The following CWF19L2 variants were observed in gnomAD, a reference collection of about 807,000 sequenced individuals.
CWF19L2 encodes the protein CWF19-like protein 2.
Under a neutral mutation model 111.7 loss-of-function variants are expected in CWF19L2, and 98 were observed. That is an observed-to-expected ratio of 0.88 (90% CI 0.75 to 1.04). CWF19L2 has a LOEUF of 1.04. Among genes scored for constraint, CWF19L2 ranks in the 50% least tolerant of loss-of-function variants. The pLI is 0.00. For missense variants in CWF19L2, 1,101 were observed against 1,051.4 expected, an observed-to-expected ratio of 1.05 and a Z score of -0.65; for synonymous variants, 351 against 342.9, an observed-to-expected ratio of 1.02 and a Z score of -0.26.
rs551442666 is a variant in CWF19L2 at position 107,437,179 on chromosome 11, A to G, written c.664+1911T>C. 6.6e-5 allele frequency among the ~76,000 whole-genome samples: 10 copies of G among 152,330 alleles called. No homozygotes were observed. The East Asian group carries it at 1.9e-3, about 29-fold the overall frequency. Reference sequence around the variant, plus strand: ...TTACCATCATTATTGAGTAGTCACCATAATCCAGACACTGCTAAAACATTT... The same window carrying G: ...TTACCATCATTATTGAGTAGTCACCGTAATCCAGACACTGCTAAAACATTT... On this transcript the variant is annotated intron_variant, in intron 6 of 17. Coordinates refer to ENST00000282251, the MANE Select transcript of CWF19L2 (RefSeq NM_152434.3).
chr11:107,449,449 T>C (rs990834509), intron 3 of CWF19L2, among the ~76,000 whole-genome samples: 3 of 152,082 alleles, frequency 2.0e-5, no homozygotes, highest in Non-Finnish European at 2.9e-5. Flanking sequence ...ACTTTCTTCA[T>C]ATGTGTAACT....
chr11:107,415,126 C>T (rs1203244906), intron 10 of CWF19L2, among the ~76,000 whole-genome samples: 1 of 152,108 alleles, frequency 6.6e-6, no homozygotes, highest in Non-Finnish European at 1.5e-5. Context: ...TCTCCTACTT[C>T]CCTCTCTCAT....
chr11:107,344,870 ATAC>A (rs753718167), intron 14 of CWF19L2, among the ~76,000 whole-genome samples: 56 of 152,254 alleles, frequency 3.7e-4, no homozygotes, highest in South Asian at 1.2e-3. Context: ...AGAAAGGGAG[ATAC>A]TACCTCATTA....
At chr11:107,379,714 T>A (rs1437145988) in intron 12 of CWF19L2, among the ~76,000 whole-genome samples, 1 of 152,170 alleles carries the variant, frequency 6.6e-6, no homozygotes, top group Non-Finnish European at 1.5e-5. Flanking sequence ...CATTTTGATG[T>A]CTGCATAAAG....
At chr11:107,361,261 T>G (rs552629530) in intron 12 of CWF19L2, among the ~76,000 whole-genome samples, 1 of 152,248 alleles carries the variant, frequency 6.6e-6, no homozygotes, top group Admixed American at 6.5e-5. Flanking sequence ...ATCAGTTGAT[T>G]GTAAATATGT....
rs1565280782 is a variant in CWF19L2 at position 107,429,356 on chromosome 11, AT to A, written c.875del (p.Tyr292PhefsTer16). 3 of 1,602,004 alleles carry A rather than the reference AT, an allele frequency of 1.9e-6. No homozygotes were observed. The highest frequency in any genetic ancestry group is 8.5e-7 in the Non-Finnish European group (1 of 1,172,784). Reference sequence around the variant, plus strand: ...CTTGACAATTTTGTGCTTTATCTGAATATGTGGGTTTCCTCCACCGTTCCCG... The same window carrying A: ...CTTGACAATTTTGTGCTTTATCTGAAATGTGGGTTTCCTCCACCGTTCCCG... The part of the protein sequence containing the change: ...YRRERWRKPT[Y>X]SDKAQNCQES... On this transcript the variant is annotated frameshift_variant, in exon 8 of 18. Transcript: ENST00000282251. LOFTEE classifies it high-confidence loss of function.
chr11:107,384,701 G>A (rs572375754), intron 12 of CWF19L2, among the ~76,000 whole-genome samples: 1 of 152,242 alleles, frequency 6.6e-6, no homozygotes, highest in African/African-American at 2.4e-5. Flanking sequence ...TACTGTGTAT[G>A]GCTGCTTTTG....
chr11:107,400,959 A>G (rs947236165), intron 10 of CWF19L2, among the ~76,000 whole-genome samples: 2 of 152,230 alleles, frequency 1.3e-5, no homozygotes, highest in Admixed American at 1.3e-4. Context: ...AATTAAAAAC[A>G]AAAATCACAT....
At chr11:107,350,590 G>C (rs1860143433) in intron 13 of CWF19L2, among the ~76,000 whole-genome samples, 1 of 152,122 alleles carries the variant, frequency 6.6e-6, no homozygotes, top group Non-Finnish European at 1.5e-5. Flanking sequence ...TCCAGAACTA[G>C]CTTCAATAAA....
chr11:107,409,698 C>T (rs1467722522), intron 10 of CWF19L2, among the ~76,000 whole-genome samples: 1 of 151,998 alleles, frequency 6.6e-6, no homozygotes. Flanking sequence ...CTCAGTGAGA[C>T]CTCATCACTC....
intron 12 of CWF19L2, among the ~76,000 whole-genome samples, chr11:107,358,697 A>C (rs1320778588): frequency 6.6e-6 from 1 of 152,240 alleles, no homozygotes; most frequent in Non-Finnish European, 1.5e-5. Flanking sequence ...TTAAGGAGGA[A>C]GAGTTGAGAG....
At chr11:107,415,607 T>C (rs1338406937) in intron 10 of CWF19L2, among the ~76,000 whole-genome samples, 1 of 152,180 alleles carries the variant, frequency 6.6e-6, no homozygotes, top group Admixed American at 6.5e-5. Context: ...AAGAAGCAGT[T>C]TGACTCATAC....
rs1167475549 is a variant in CWF19L2 at position 107,330,011 on chromosome 11, T to A, written c.2448A>T (p.Arg816Ser). The change falls in exon 17 of 18, where the codon AGA becomes AGT. Residue 816 changes from arginine to serine, a missense_variant. Arg to Ser is a moderately radical substitution (Grantham distance 110). Transcript: ENST00000282251. ...AATCCACAGAGAAGTAAGGTAACCC[T>A]CTGGGTACCTAAATAAACAGACAAA... Reference protein sequence around the residue: ...SSKDIRKSVPRGLPYFSVDFG... With the variant: ...SSKDIRKSVPSGLPYFSVDFG... The A allele has an allele frequency of 6.4e-7, 1 of 1,559,908 alleles. No homozygotes were observed. The highest frequency in any genetic ancestry group is 2.0e-5 in the Admixed American group (1 of 50,636).
intron 10 of CWF19L2, among the ~76,000 whole-genome samples, chr11:107,401,275 TG>T (rs1860995295): frequency 1.3e-5 from 2 of 152,134 alleles, no homozygotes; most frequent in African/African-American, 2.4e-5. Flanking sequence ...GAAGTCAAAC[TG>T]TCACTGTTTG....
chr11:107,403,655 T>C, intron 10 of CWF19L2: 3 of 776,292 alleles, frequency 3.9e-6, no homozygotes, highest in Non-Finnish European at 7.1e-6. Context: ...CTCACCTTTG[T>C]TTGGTGCTTG....
In CWF19L2 at chr11:107,326,648, C is replaced by G; in HGVS notation, c.*262G>C. On this transcript the variant is annotated 3_prime_UTR_variant, in exon 18 of 18. Transcript: ENST00000282251. ...AAATTAACTGAACAATTCGGAATAC[C>G]AAGAAGTAGGTAGAGAGCAGGAATG... The G allele has an allele frequency of 6.3e-6, 2 of 314,966 alleles. No homozygotes were observed. The highest frequency in any genetic ancestry group is 5.0e-5 in the East Asian group (1 of 20,120). The allele number at this position is 314,966 out of a possible 1,614,324, so 19.5% of individuals were successfully genotyped here.
intron 12 of CWF19L2, among the ~76,000 whole-genome samples, chr11:107,379,240 T>C (rs927853082): frequency 6.6e-6 from 1 of 152,218 alleles, no homozygotes; most frequent in African/African-American, 2.4e-5. Flanking sequence ...TCTCCCAAGA[T>C]TGTGTTCTCA....
At chr11:107,365,372 A>G (rs1860423556) in intron 12 of CWF19L2, among the ~76,000 whole-genome samples, 1 of 84,300 alleles carries the variant, frequency 1.2e-5, no homozygotes, top group Non-Finnish European at 2.2e-5. Flanking sequence ...ACACAACCAA[A>G]AAAGAGAATT....
chr11:107,422,634 C>G, intron 8 of CWF19L2, among the ~76,000 whole-genome samples: 2 of 151,790 alleles, frequency 1.3e-5, no homozygotes, highest in East Asian at 3.9e-4. Flanking sequence ...CAGAGTATAA[C>G]TAATTTGTCA....
Sources: allele counts gnomAD v4.1 joint callset (sites outside exome capture counted in the v4.1 genomes callset), GRCh38; gene constraint gnomAD v4.1.1; transcripts MANE v1.5; gene names NCBI Gene and HGNC (gene_info 2026-07-23, HGNC 2026-07-21).